Variants in PRORP observed in about 807,000 individuals in gnomAD.
PRORP encodes the protein protein only RNase P catalytic subunit.
In PRORP, 51 loss-of-function variants were observed where a neutral mutation model predicts 59.4. That is an observed-to-expected ratio of 0.86 (90% CI 0.69 to 1.08). PRORP has a LOEUF of 1.08. Among genes scored for constraint, PRORP ranks in the 50% least tolerant of loss-of-function variants. The pLI, the probability that PRORP is intolerant of heterozygous loss-of-function variation, is 0.00. For missense variants in PRORP, 646 were observed against 690.3 expected, an observed-to-expected ratio of 0.94 and a Z score of 0.72; for synonymous variants, 231 against 245.6, an observed-to-expected ratio of 0.94 and a Z score of 0.55.
intron 5 of PRORP, among the ~76,000 whole-genome samples, chr14:35,236,489 A>G (rs908540402): frequency 1.3e-5 from 2 of 152,126 alleles, no homozygotes; most frequent in Non-Finnish European, 2.9e-5. Context: ...AGTCTCCATC[A>G]TTGCATTGAA....
chr14:35,234,574 G>A (rs2050158697), intron 5 of PRORP, among the ~76,000 whole-genome samples: 1 of 151,738 alleles, frequency 6.6e-6, no homozygotes, highest in African/African-American at 2.4e-5. Context: ...TACGCCCCTA[G>A]CCTTACTTCC....
At chr14:35,180,563 A>G in intron 4 of PRORP, 107 bp from the exon 5 acceptor site, 8 of 547,812 alleles carry the variant, frequency 1.5e-5, no homozygotes, top group Non-Finnish European at 2.3e-5. Context: ...TTTTTAAGGG[A>G]TGAATATTTT....
At chr14:35,268,520 T>A (rs1242772568) in intron 6 of PRORP, among the ~76,000 whole-genome samples, 1 of 152,182 alleles carries the variant, frequency 6.6e-6, no homozygotes, top group Non-Finnish European at 1.5e-5. Flanking sequence ...CTTTGCTTAA[T>A]GAGTGTATAT....
chr14:35,161,216 A>C (rs934109579), intron 4 of PRORP, among the ~76,000 whole-genome samples: 1 of 152,346 alleles, frequency 6.6e-6, no homozygotes, highest in East Asian at 1.9e-4. Flanking sequence ...AAGCACATAC[A>C]GGGGCTTTTA....
chr14:35,161,186 G>T (rs2048050036), intron 4 of PRORP, among the ~76,000 whole-genome samples: 1 of 152,178 alleles, frequency 6.6e-6, no homozygotes, highest in South Asian at 2.1e-4. Context: ...GGTAAAACTT[G>T]TGGTATTATT....
intron 5 of PRORP, among the ~76,000 whole-genome samples, chr14:35,188,741 G>A (rs1162701929): frequency 6.6e-6 from 1 of 151,760 alleles, no homozygotes; most frequent in Non-Finnish European, 1.5e-5. Context: ...ACTTTGGGAT[G>A]CCAAGACAGG....
chr14:35,158,247 A>T (rs1251357234), intron 4 of PRORP: 1 of 248,076 alleles, frequency 4.0e-6, no homozygotes, highest in Non-Finnish European at 8.2e-6. Flanking sequence ...ATTATAAGTC[A>T]CAACTGCCAG....
chr14:35,274,411 A>T lies in PRORP; in HGVS notation c.*845A>T, dbSNP rs1594368392. 6.6e-6 allele frequency: 1 copy of T among 150,434 alleles called. No individual in the cohort carries two copies. The highest frequency in any genetic ancestry group is 2.5e-5 in the African/African-American group (1 of 40,762). The allele number at this position is 150,434 out of a possible 1,614,324, so 9.3% of individuals were successfully genotyped here. A position where few individuals can be genotyped will look rare whatever the true frequency, so the allele number is the denominator to read the frequency against. The stretch of plus-strand genomic sequence containing the variant: ...CAGTCGATCCCCAGCAATTTGGGAG[A>T]TTGAAGCGAGAGAATCACTTGAGTC... On this transcript the variant is annotated 3_prime_UTR_variant, in exon 8 of 8. Coordinates refer to ENST00000534898, the MANE Select transcript of PRORP (RefSeq NM_014672.4).
At chr14:35,238,356 T>C (rs946128230) in intron 5 of PRORP, among the ~76,000 whole-genome samples, 1 of 152,196 alleles carries the variant, frequency 6.6e-6, no homozygotes, top group Non-Finnish European at 1.5e-5. Flanking sequence ...TGGATTTGTT[T>C]ACACCTGTAG....
chr14:35,196,354 T>A (rs1321808833), intron 5 of PRORP, among the ~76,000 whole-genome samples: 1 of 151,932 alleles, frequency 6.6e-6, no homozygotes, highest in Non-Finnish European at 1.5e-5. Flanking sequence ...ATAAGCTGGG[T>A]ATGGTAGCAC....
rs150382984 is a variant in PRORP at position 35,203,375 on chromosome 14, A to G, written c.1275+22598A>G. 3.9e-5 allele frequency among the ~76,000 whole-genome samples: 6 copies of G among 152,158 alleles called. No homozygotes were observed. The East Asian group carries it at 1.2e-3, about 29-fold the overall frequency. ...AAACCCCATCTCTACAAAAAATGGA[A>G]AAATTAGCCGGTGTGGTGGTGGGCT... On this transcript the variant is annotated intron_variant, in intron 5 of 7. Coordinates refer to ENST00000534898, the MANE Select transcript of PRORP (RefSeq NM_014672.4).
chr14:35,217,806 C>G (rs1025024713), intron 5 of PRORP, among the ~76,000 whole-genome samples: 2 of 152,088 alleles, frequency 1.3e-5, no homozygotes, highest in Non-Finnish European at 2.9e-5. Context: ...ATCTGTTTGT[C>G]TGTCTTTATG....
chr14:35,265,900 G>T (rs1189794038), intron 5 of PRORP, among the ~76,000 whole-genome samples: 2 of 151,934 alleles, frequency 1.3e-5, no homozygotes, highest in Non-Finnish European at 2.9e-5. Flanking sequence ...ACTAGGCTGG[G>T]TGCAGTGGCT....
chr14:35,188,006 C>A (rs2048784005), intron 5 of PRORP, among the ~76,000 whole-genome samples: 1 of 149,144 alleles, frequency 6.7e-6, no homozygotes, highest in African/African-American at 2.5e-5. Flanking sequence ...ACGGCCACCA[C>A]ACCTGGCTAA....
chr14:35,196,227 C>T (rs2049004467), intron 5 of PRORP, among the ~76,000 whole-genome samples: 1 of 152,214 alleles, frequency 6.6e-6, no homozygotes, highest in Non-Finnish European at 1.5e-5. Flanking sequence ...GTAATCCCAA[C>T]ACTTTGGGAG....
At chr14:35,189,119 T>A (rs929310654) in intron 5 of PRORP, among the ~76,000 whole-genome samples, 3 of 152,152 alleles carry the variant, frequency 2.0e-5, no homozygotes, top group Non-Finnish European at 4.4e-5. Flanking sequence ...ATAGTGAGAT[T>A]AAAGGGGACT....
chr14:35,134,894 A>G (rs2047335058), intron 4 of PRORP, among the ~76,000 whole-genome samples: 1 of 152,082 alleles, frequency 6.6e-6, no homozygotes, highest in Non-Finnish European at 1.5e-5. Flanking sequence ...TGCCTTTCAA[A>G]TTTATTTACG....
In PRORP at chr14:35,270,447, A is replaced by T. The variant is rs760357539; in HGVS notation, c.1471A>T (p.Asn491Tyr). Reference sequence around the variant, plus strand: ...TCTGTATGCCACACTGCACTCCGGGAATCACTGCAGGTTTATCACAAGAGA... The same window carrying T: ...TCTGTATGCCACACTGCACTCCGGGTATCACTGCAGGTTTATCACAAGAGA... ...FLLYATLHSG[N>Y]HCRFITRDLM... is the part of the protein sequence containing the mutation. The change falls in exon 7 of 8, where the codon AAT (asparagine) becomes TAT (tyrosine). Residue 491 changes from asparagine (N) to tyrosine (Y), a missense_variant. By Grantham distance (143) the Asn-to-Tyr change is moderately radical. Transcript: ENST00000534898. 1.9e-6 allele frequency: 3 copies of T among 1,613,904 alleles called. No homozygotes were observed. Among genetic ancestry groups the T allele is most frequent in the Non-Finnish European group, 2.5e-6 (3 of 1,179,998 alleles).
chr14:35,192,126 T>C (rs1398264632), intron 5 of PRORP, among the ~76,000 whole-genome samples: 1 of 152,238 alleles, frequency 6.6e-6, no homozygotes, highest in African/African-American at 2.4e-5. Flanking sequence ...GGTCTTTGCC[T>C]CTCTTTTCAA....
Sources: allele counts gnomAD v4.1 joint callset (sites outside exome capture counted in the v4.1 genomes callset), GRCh38; gene constraint gnomAD v4.1.1; transcripts MANE v1.5; gene names NCBI Gene and HGNC (gene_info 2026-07-23, HGNC 2026-07-21).